The following PARD3 variants were observed in gnomAD, a reference collection of about 807,000 sequenced individuals.
PARD3 encodes the protein par-3 family cell polarity regulator, also known as partitioning defective 3 homolog.
In PARD3, 75 loss-of-function variants were observed where a neutral mutation model predicts 155.4. The ratio of observed to expected loss-of-function variants is 0.48; its 90% CI spans 0.40 to 0.58. PARD3 has a LOEUF of 0.58. PARD3 is among the 20% of genes least tolerant of loss of function. The pLI, the probability that PARD3 is intolerant of heterozygous loss-of-function variation, is 0.00. For missense variants in PARD3, 1,642 were observed against 1,721.7 expected (o/e 0.95, Z 0.82); for synonymous variants, 576 against 610.5 (o/e 0.94, Z 0.83).
At chr10:34,179,433 T>C (rs1313610475) in intron 22 of PARD3, among the ~76,000 whole-genome samples, 1 of 152,202 alleles carries the variant, frequency 6.6e-6, no homozygotes, top group Non-Finnish European at 1.5e-5. Flanking sequence ...TACCTGAGTG[T>C]TTCAGTGGAG....
At chr10:34,464,939 A>G (rs2077909845) in intron 4 of PARD3, among the ~76,000 whole-genome samples, 1 of 152,148 alleles carries the variant, frequency 6.6e-6, no homozygotes, top group African/African-American at 2.4e-5. Flanking sequence ...TGGTTCCAGA[A>G]CCCCTTGCAG....
At chr10:34,773,801 T>C (rs1331906172) in intron 1 of PARD3, among the ~76,000 whole-genome samples, 1 of 152,200 alleles carries the variant, frequency 6.6e-6, no homozygotes, top group African/African-American at 2.4e-5. Flanking sequence ...GCACTTAATG[T>C]TCTTCTCATA....
chr10:34,793,622 A>C (rs915120877), intron 1 of PARD3, among the ~76,000 whole-genome samples: 1 of 151,022 alleles, frequency 6.6e-6, no homozygotes, highest in Non-Finnish European at 1.5e-5. Flanking sequence ...CCCCATCTCT[A>C]CTAAAAATGC....
At chr10:34,761,975 G>A (rs139371892) in intron 1 of PARD3, among the ~76,000 whole-genome samples, 1 of 152,136 alleles carries the variant, frequency 6.6e-6, no homozygotes, top group African/African-American at 2.4e-5. Context: ...ACAGGTATAC[G>A]TGATTTGAAC....
intron 1 of PARD3, among the ~76,000 whole-genome samples, chr10:34,789,107 C>T (rs1841337059): frequency 6.6e-6 from 1 of 152,220 alleles, no homozygotes; most frequent in Non-Finnish European, 1.5e-5. Flanking sequence ...TGTATATCCA[C>T]ATAATGAAGT....
chr10:34,148,195 T>A (rs1025190958), intron 22 of PARD3, among the ~76,000 whole-genome samples: 6 of 152,148 alleles, frequency 3.9e-5, no homozygotes, highest in African/African-American at 1.4e-4. Flanking sequence ...ACCCAGCCAC[T>A]TATACTAAAG....
At chr10:34,386,082 G>A (rs992027379) in intron 7 of PARD3, among the ~76,000 whole-genome samples, 2 of 152,042 alleles carry the variant, frequency 1.3e-5, no homozygotes, top group Non-Finnish European at 2.9e-5. Flanking sequence ...ACATTTTTAC[G>A]ATATTAGTAA....
intron 2 of PARD3, among the ~76,000 whole-genome samples, chr10:34,685,110 G>A (rs2093932395): frequency 6.6e-6 from 1 of 152,076 alleles, no homozygotes; most frequent in Non-Finnish European, 1.5e-5. Context: ...ATTCAATATT[G>A]AAACTAGGTT....
At chr10:34,385,888 A>G (rs1477042536) in intron 7 of PARD3, among the ~76,000 whole-genome samples, 2 of 152,238 alleles carry the variant, frequency 1.3e-5, no homozygotes, top group Admixed American at 6.5e-5. Context: ...TGAAGGCATG[A>G]TTGAGGTTAG....
Position 34,470,187 on chromosome 10 carries a change from A to G in PARD3, c.480T>C (p.Phe160=). 6.2e-7 allele frequency: 1 copy of G among 1,613,582 alleles called. No homozygotes were observed. The highest frequency in any genetic ancestry group is 8.5e-7 in the Non-Finnish European group (1 of 1,179,792). Residue 160 remains phenylalanine, a synonymous_variant, in exon 4 of 25, where the codon TTT becomes TTC. Coordinates refer to ENST00000374788, the MANE Select transcript of PARD3 (RefSeq NM_001184785.2). ...TTTTCCTTGAAGGCTCTTCAGAGGAAAAATTACTATCACTGACAGAAGTGG... is the reference window on the plus strand; with the variant it reads ...TTTTCCTTGAAGGCTCTTCAGAGGAGAAATTACTATCACTGACAGAAGTGG... ...GLSTSVSDSN[F]SSEEPSRKNP...
At chr10:34,341,560 A>G (rs1451057530) in intron 16 of PARD3, 67 bp downstream of exon 16, 4 of 1,248,934 alleles carry the variant, frequency 3.2e-6, no homozygotes, top group Non-Finnish European at 4.5e-6. Context: ...ATTTAGCAGT[A>G]AGCCACTTAA....
At chr10:34,391,209 T>C (rs1842840978) in intron 7 of PARD3, among the ~76,000 whole-genome samples, 1 of 152,180 alleles carries the variant, frequency 6.6e-6, no homozygotes, top group Non-Finnish European at 1.5e-5. Flanking sequence ...TAGTTTTTTT[T>C]TTCTTCTTTT....
At chr10:34,189,985 G>C (rs1950636815) in intron 22 of PARD3, among the ~76,000 whole-genome samples, 2 of 152,176 alleles carry the variant, frequency 1.3e-5, no homozygotes, top group African/African-American at 4.8e-5. Context: ...TTGTATGACA[G>C]AGTGTACCAT....
rs1946330842 is a variant in PARD3, at chr10:34,110,160, T to G, written c.*1009A>C. ...GGAGCGCGGCATCGCCAGTCAGACA[T>G]GCAGTGTGTGGATGCATTAGACAAG... On this transcript the variant is annotated 3_prime_UTR_variant, in exon 25 of 25. Transcript: ENST00000374788. 1.3e-5 allele frequency: 2 copies of G among 152,224 alleles called. No homozygotes were observed. The highest frequency in any genetic ancestry group is 2.9e-5 in the Non-Finnish European group (2 of 68,064). The allele number at this position is 152,224 out of a possible 1,614,324, so 9.4% of individuals were successfully genotyped here. A position where few individuals can be genotyped will look rare whatever the true frequency, so the allele number is the denominator to read the frequency against.
At chr10:34,404,452 A>G (rs1446374452) in intron 5 of PARD3, among the ~76,000 whole-genome samples, 1 of 152,172 alleles carries the variant, frequency 6.6e-6, no homozygotes, top group Non-Finnish European at 1.5e-5. Context: ...GGACCACTTG[A>G]ACCCAGGATT....
chr10:34,183,971 CATGGCTGGCTA>C (rs1314934068), intron 22 of PARD3, among the ~76,000 whole-genome samples: 1 of 152,196 alleles, frequency 6.6e-6, no homozygotes, highest in Non-Finnish European at 1.5e-5. Context: ...TGTGCGCCAT[CATGGCTGGCTA>C]ATTTTTGTAT....
At chr10:34,384,399 C>A in intron 7 of PARD3, 145 bp from the exon 8 acceptor site, 1 of 769,290 alleles carries the variant, frequency 1.3e-6, no homozygotes, top group Non-Finnish European at 2.0e-6. Context: ...TTTTAAATGA[C>A]AGACAAAAAC....
intron 2 of PARD3, among the ~76,000 whole-genome samples, chr10:34,692,536 A>G (rs1193074172): frequency 6.6e-6 from 1 of 152,206 alleles, no homozygotes; most frequent in African/African-American, 2.4e-5. Context: ...CAGCATCTAT[A>G]AAGAACTTAA....
intron 2 of PARD3, among the ~76,000 whole-genome samples, chr10:34,684,878 TACACACACAC>T (rs57035644): frequency 0.02 from 2,783 of 137,876 alleles, 97 homozygotes; most frequent in African/African-American, 0.072. Context: ...TACACACACA[TACACACACAC>T]ACACACACAC....
Sources: allele counts gnomAD v4.1 joint callset (sites outside exome capture counted in the v4.1 genomes callset), GRCh38; gene constraint gnomAD v4.1.1; transcripts MANE v1.5; gene names NCBI Gene and HGNC (gene_info 2026-07-23, HGNC 2026-07-21).